Variants in GPR84 observed in about 807,000 individuals in gnomAD.
GPR84 encodes the protein G protein-coupled receptor 84, also known as G-protein coupled receptor 84.
A neutral mutation model predicts 14.9 loss-of-function variants in GPR84; 8 were observed. The ratio of observed to expected loss-of-function variants is 0.54; its 90% CI spans 0.31 to 0.97. The LOEUF (loss-of-function observed/expected upper bound fraction) is 0.97, where lower values mean the gene tolerates loss of function less well. GPR84 is among the 50% of genes least tolerant of loss of function. GPR84 has a pLI of 0.04. For missense variants in GPR84, 424 were observed against 498.7 expected, an observed-to-expected ratio of 0.85 and a Z score of 1.43; for synonymous variants, 164 against 198.1, an observed-to-expected ratio of 0.83 and a Z score of 1.45.
chr12:54,355,353 T>TGTGTGTGTGTGTGTGC, the GPR84 span, among the ~76,000 whole-genome samples: 19 of 151,536 alleles, frequency 1.3e-4, no homozygotes, highest in African/African-American at 4.4e-4. Flanking sequence ...TGTGTGTGTG[T>TGTGTGTGTGTGTGTGC]GCGCATGGCA....
downstream of GPR84, among the ~76,000 whole-genome samples, chr12:54,360,194 C>G (rs939458033): frequency 6.6e-6 from 1 of 152,108 alleles, no homozygotes; most frequent in African/African-American, 2.4e-5. Flanking sequence ...AAATCACGGT[C>G]TTACAACGTA....
Position 54,363,387 on chromosome 12 carries a change from G to C in GPR84, c.465C>G (p.Leu155=), listed in dbSNP as rs140650044. 908 of 1,614,122 alleles carry C rather than the reference G, an allele frequency of 5.6e-4. No homozygotes were observed. Among genetic ancestry groups the C allele is most frequent in the Non-Finnish European group, 6.5e-4 (763 of 1,179,998 alleles). The change falls in exon 2 of 2, where the codon CTC becomes CTG. Residue 155 remains leucine (L), a synonymous_variant. Transcript: ENST00000267015. ...WVVGVASFAP[L]WPIYILVPVV... is the part of the protein sequence containing the mutation. ...CAGGTACCAGGATATAAATAGGCCA[G>C]AGGGGAGCAAAGCTGGCCACGCCCA...
the GPR84 span, among the ~76,000 whole-genome samples, chr12:54,355,367 T>G: frequency 6.6e-6 from 1 of 150,540 alleles, no homozygotes; most frequent in African/African-American, 2.5e-5. Context: ...CATGGCACAT[T>G]TGCACAGGGG....
Position 54,362,885 on chromosome 12 carries a change from C to CA in GPR84, c.966dup (p.Ala323CysfsTer72). 6.2e-7 allele frequency: 1 copy of CA among 1,614,210 alleles called. No homozygotes were observed. The highest frequency in any genetic ancestry group is 8.5e-7 in the Non-Finnish European group (1 of 1,180,026). On this transcript the variant is annotated frameshift_variant, in exon 2 of 2. Transcript: ENST00000267015. LOFTEE classifies it high-confidence loss of function. This position sits in a 1 kb window ranked among gnomAD's most constrained non-coding sequence, Gnocchi z 4.0. ...CTCAGGGCAAAGCAGAGGAACACAGCAAAACACATTCGAGTCACCTTCCCA... is the reference window on the plus strand; with the variant it reads ...CTCAGGGCAAAGCAGAGGAACACAGCAAAAACACATTCGAGTCACCTTCCCA...
In GPR84 at chr12:54,363,832, G is replaced by A; in HGVS notation, c.20C>T (p.Ala7Val). 4 of 1,597,770 alleles carry A rather than the reference G, an allele frequency of 2.5e-6. No homozygotes were observed. The highest frequency in any genetic ancestry group is 3.4e-6 in the Non-Finnish European group (4 of 1,170,462). The change falls in exon 2 of 2, where the codon GCC becomes GTC. Residue 7 changes from alanine (A) to valine (V), a missense_variant. Transcript: ENST00000267015. ...AGACTCATGGTAGCAGGAGAAGTTG[G>A]CGTCAGAGCTGTTCCACATGATAGA... Reference protein sequence around the residue: MWNSSDANFSCYHESVL... With the variant: MWNSSDVNFSCYHESVL...
downstream of GPR84, among the ~76,000 whole-genome samples, chr12:54,361,099 T>C (rs372032757): frequency 3.9e-5 from 6 of 152,348 alleles, no homozygotes; most frequent in African/African-American, 1.4e-4. The surrounding 1 kb of genome is among the most constrained non-coding windows in gnomAD (Gnocchi z 4.3). Context: ...TTGGTCATTC[T>C]GGAGGGAAGG....
At chr12:54,354,281 A>AACTTTTTGT in the GPR84 span, among the ~76,000 whole-genome samples, 1 of 150,258 alleles carries the variant, frequency 6.7e-6, no homozygotes, top group Non-Finnish European at 1.5e-5. Context: ...ATGCCTGACT[A>AACTTTTTGT]ACTTTTTGTA....
the GPR84 span, chr12:54,350,901 T>C: frequency 4.1e-6 from 1 of 246,822 alleles, no homozygotes; most frequent in African/African-American, 2.2e-5. Flanking sequence ...TTCCTCCCTT[T>C]GCCTCTACCT....
the GPR84 span, among the ~76,000 whole-genome samples, chr12:54,355,882 C>T: frequency 6.6e-6 from 1 of 152,172 alleles, no homozygotes; most frequent in Admixed American, 6.5e-5. Context: ...TGCTCACAAC[C>T]CCATTTTCCC....
downstream of GPR84, among the ~76,000 whole-genome samples, chr12:54,357,518 C>T (rs1474059892): frequency 6.6e-6 from 1 of 152,174 alleles, no homozygotes; most frequent in Admixed American, 6.5e-5. Flanking sequence ...AGATCCACCA[C>T]CCCTTCTCAA....
the GPR84 span, among the ~76,000 whole-genome samples, chr12:54,355,612 C>A: frequency 2.6e-5 from 4 of 152,160 alleles, no homozygotes; most frequent in East Asian, 5.8e-4. Flanking sequence ...GCCCACCCCC[C>A]ATGCCTGCCC....
chr12:54,357,795 T>G (rs771065614), downstream of GPR84, among the ~76,000 whole-genome samples: 7 of 152,278 alleles, frequency 4.6e-5, no homozygotes, highest in Non-Finnish European at 1.0e-4. Flanking sequence ...CAACTGAGCT[T>G]AAGGGGACAG....
downstream of GPR84, among the ~76,000 whole-genome samples, chr12:54,361,330 C>T (rs1007054277): frequency 6.6e-6 from 1 of 151,702 alleles, no homozygotes; most frequent in African/African-American, 2.4e-5. This position sits in a 1 kb window ranked among gnomAD's most constrained non-coding sequence, Gnocchi z 4.3. Flanking sequence ...TACAGGCACC[C>T]GCCATCATGC....
chr12:54,362,615 G>T lies in GPR84; in HGVS notation c.*46C>A, dbSNP rs1241880894. ...ATTCTCCTATTACCTGGCCACTTTG[G>T]TCCTGGAGGAGACAGTCCTGAATTC... On this transcript the variant is annotated 3_prime_UTR_variant, in exon 2 of 2. Transcript: ENST00000267015. This position sits in a 1 kb window ranked among gnomAD's most constrained non-coding sequence, Gnocchi z 4.0. The T allele has an allele frequency of 4.7e-6, 6 of 1,289,926 alleles. No individual in the cohort carries two copies. The highest frequency in any genetic ancestry group is 2.3e-5 in the East Asian group (1 of 43,084). The allele number at this position is 1,289,926 out of a possible 1,614,324, so 79.9% of individuals were successfully genotyped here. A position where few individuals can be genotyped will look rare whatever the true frequency, so the allele number is the denominator to read the frequency against.
chr12:54,360,324 T>C (rs1337191055), downstream of GPR84, among the ~76,000 whole-genome samples: 5 of 151,462 alleles, frequency 3.3e-5, no homozygotes. Flanking sequence ...TGAAATAATA[T>C]ATGTACAGGG....
chr12:54,362,393 CT>C, downstream of GPR84: 1 of 376,616 alleles, frequency 2.7e-6, no homozygotes. The surrounding 1 kb of genome is among the most constrained non-coding windows in gnomAD (Gnocchi z 4.0). Context: ...AGCCTGGCCC[CT>C]GAGCCTAACC....
At chr12:54,355,397 G>T in the GPR84 span, among the ~76,000 whole-genome samples, 1 of 150,880 alleles carries the variant, frequency 6.6e-6, no homozygotes, top group Non-Finnish European at 1.5e-5. Context: ...TGGATAGGAT[G>T]ATTTCCACAA....
the GPR84 span, among the ~76,000 whole-genome samples, chr12:54,354,949 G>A: frequency 1.3e-5 from 2 of 152,118 alleles, no homozygotes; most frequent in Non-Finnish European, 1.5e-5. Context: ...AACTCCCAAA[G>A]GTATCCTCTG....
At chr12:54,354,968 C>G in the GPR84 span, among the ~76,000 whole-genome samples, 1 of 151,870 alleles carries the variant, frequency 6.6e-6, no homozygotes, top group African/African-American at 2.4e-5. Context: ...TGGGTCAGAA[C>G]AGGGTTCTGA....
Sources: allele counts gnomAD v4.1 joint callset (sites outside exome capture counted in the v4.1 genomes callset), GRCh38; gene constraint gnomAD v4.1.1; non-coding constraint Gnocchi (gnomAD v3.1); transcripts MANE v1.5; gene names NCBI Gene and HGNC (gene_info 2026-07-23, HGNC 2026-07-21).